CPVL: variants seen among roughly 807,000 people sequenced by gnomAD.
CPVL encodes carboxypeptidase vitellogenic like, also known as probable serine carboxypeptidase CPVL.
Under a neutral mutation model 63.7 loss-of-function variants are expected in CPVL, and 51 were observed. The observed-to-expected ratio is 0.80, with a 90% confidence interval of 0.64 to 1.01. The LOEUF is 1.01. CPVL is among the 50% of genes least tolerant of loss of function. The probability of loss-of-function intolerance (pLI) is 0.00; values close to 1 mark genes in which losing one functional copy is unlikely to be tolerated. For missense variants in CPVL, 530 were observed against 573.1 expected (o/e 0.92, Z 0.77); for synonymous variants, 195 against 206.0 (o/e 0.95, Z 0.46).
chr7:29,082,559 T>C (rs1329286310), intron 7 of CPVL: 1 of 151,924 alleles, frequency 6.6e-6, no homozygotes, highest in East Asian at 1.9e-4. Flanking sequence ...TTTAGTGTTT[T>C]TTCTTCTGAA....
intron 5 of CPVL, among the ~76,000 whole-genome samples, chr7:29,156,087 G>A (rs1216787452): frequency 6.6e-6 from 1 of 152,222 alleles, no homozygotes; most frequent in Non-Finnish European, 1.5e-5. Flanking sequence ...AGAGGGAAGA[G>A]TTAATGTGTG....
chr7:29,190,715 T>G (rs999405796), intron 1 of CPVL, among the ~76,000 whole-genome samples: 3 of 152,204 alleles, frequency 2.0e-5, no homozygotes, highest in African/African-American at 7.2e-5. Context: ...AGTTCTTTCT[T>G]TTGCTGCAGA....
intron 12 of CPVL, among the ~76,000 whole-genome samples, chr7:29,002,711 A>G (rs1338333730): frequency 1.3e-5 from 2 of 152,084 alleles, no homozygotes; most frequent in Non-Finnish European, 2.9e-5. Flanking sequence ...AAGTTCTTTA[A>G]CTAAAAAGTT....
At chr7:29,127,887 ATGGTTTTCCC>A (rs1790203311) in intron 1 of CPVL, 1 of 151,900 alleles carries the variant, frequency 6.6e-6, no homozygotes, top group African/African-American at 2.4e-5. Flanking sequence ...CTAAACACAC[ATGGTTTTCCC>A]TGGGTCCTTG....
upstream of CPVL, chr7:29,146,886 G>A (rs1248259495): frequency 1.9e-6 from 3 of 1,551,166 alleles, no homozygotes; most frequent in South Asian, 1.2e-5. Flanking sequence ...TTTGGAAAGC[G>A]AGTGGTGTTT....
intron 3 of CPVL, among the ~76,000 whole-genome samples, chr7:29,106,742 C>G (rs1787756800): frequency 6.6e-6 from 1 of 152,172 alleles, no homozygotes; most frequent in Non-Finnish European, 1.5e-5. Flanking sequence ...ATCCTTCCCC[C>G]AGGCAGGGAG....
intron 11 of CPVL, among the ~76,000 whole-genome samples, chr7:29,054,097 A>AACAG (rs1562743588): frequency 8.5e-5 from 13 of 152,128 alleles, no homozygotes; most frequent in Non-Finnish European, 1.3e-4. Context: ...AAAACAAACA[A>AACAG]AATCTGTTAA....
At chr7:29,129,623 C>G (rs746375738) in intron 1 of CPVL, among the ~76,000 whole-genome samples, 2 of 152,048 alleles carry the variant, frequency 1.3e-5, no homozygotes, top group African/African-American at 2.4e-5. Context: ...TGTGTGCTAC[C>G]ACTCCTGGCT....
Position 29,125,578 on chromosome 7 carries a change from A to G in CPVL, c.-10-4507T>C, listed in dbSNP as rs904859445. Among the ~76,000 whole-genome samples, 4 of 152,020 alleles carry G rather than the reference A, an allele frequency of 2.6e-5. No individual in the cohort carries two copies. The East Asian group carries it at 7.8e-4, about 30-fold the overall frequency. ...TAGCTAATTTTTGTATTTTTAGTAGAGGCGGGGTTTCACCACGTTGGCCAG... is the reference window on the plus strand; with the variant it reads ...TAGCTAATTTTTGTATTTTTAGTAGGGGCGGGGTTTCACCACGTTGGCCAG... On this transcript the variant is annotated intron_variant, in intron 1 of 12. Coordinates refer to ENST00000265394, the MANE Select transcript of CPVL (RefSeq NM_031311.5).
chr7:29,173,397 A>C (rs1191138790), intron 5 of CPVL, among the ~76,000 whole-genome samples: 1 of 152,104 alleles, frequency 6.6e-6, no homozygotes, highest in East Asian at 1.9e-4. Flanking sequence ...GCTATTAATA[A>C]TACATGAGGA....
At chr7:29,057,618 G>A (rs1260667818) in intron 11 of CPVL, among the ~76,000 whole-genome samples, 1 of 152,136 alleles carries the variant, frequency 6.6e-6, no homozygotes, top group Non-Finnish European at 1.5e-5. Flanking sequence ...GCCTACAAGT[G>A]TTATAGTTTT....
intron 3 of CPVL, among the ~76,000 whole-genome samples, chr7:29,108,420 T>C (rs545705417): frequency 1.3e-5 from 2 of 152,316 alleles, no homozygotes; most frequent in South Asian, 4.1e-4. Context: ...TTTTATCTTC[T>C]TCAGTGCAAA....
upstream of CPVL, chr7:29,147,355 T>A (rs1354019968): frequency 5.8e-6 from 1 of 171,118 alleles, no homozygotes; most frequent in African/African-American, 2.4e-5. Flanking sequence ...CACAGCTAGC[T>A]GCAGGAGTGA....
chr7:29,060,261 A>G (rs1019117892), intron 11 of CPVL, among the ~76,000 whole-genome samples: 10 of 152,200 alleles, frequency 6.6e-5, no homozygotes, highest in African/African-American at 2.4e-4. Context: ...ACTCACACAT[A>G]AATACTGTTT....
intron 9 of CPVL, among the ~76,000 whole-genome samples, chr7:29,068,331 T>C (rs1783348121): frequency 2.0e-5 from 3 of 152,140 alleles, no homozygotes; most frequent in Admixed American, 6.5e-5. Flanking sequence ...CATATTCTTT[T>C]TCAAACATGA....
intron 6 of CPVL, among the ~76,000 whole-genome samples, chr7:29,088,848 G>T (rs1007035607): frequency 6.6e-6 from 1 of 152,128 alleles, no homozygotes; most frequent in Non-Finnish European, 1.5e-5. Flanking sequence ...GGTGGTGGGC[G>T]CCTGTAGTCC....
intron 7 of CPVL, among the ~76,000 whole-genome samples, chr7:29,073,801 T>A (rs1783979353): frequency 6.6e-6 from 1 of 152,270 alleles, no homozygotes; most frequent in African/African-American, 2.4e-5. Flanking sequence ...CTGTTTTGTT[T>A]ACTTGAGTCC....
chr7:29,100,262 C>T (rs1786974147), intron 3 of CPVL, among the ~76,000 whole-genome samples: 1 of 152,190 alleles, frequency 6.6e-6, no homozygotes, highest in Non-Finnish European at 1.5e-5. Flanking sequence ...CCAGAAGCTG[C>T]AATGTGCTCA....
intron 7 of CPVL, among the ~76,000 whole-genome samples, chr7:29,086,043 C>T (rs895905278): frequency 1.9e-4 from 29 of 152,252 alleles, no homozygotes; most frequent in African/African-American, 6.5e-4. Flanking sequence ...CCTGTAATCC[C>T]AGCACTTTGG....
Sources: gnomAD v4.1 joint callset for allele counts (sites outside exome capture counted in the v4.1 genomes callset) on GRCh38, gnomAD v4.1.1 for gene constraint, MANE v1.5 for transcripts, NCBI Gene and HGNC (gene_info 2026-07-23, HGNC 2026-07-21) for gene names.